Variants in LBH observed in about 807,000 individuals in gnomAD.
LBH encodes the protein protein LBH.
In LBH, 7 loss-of-function variants were observed where a neutral mutation model predicts 12.5. The ratio of observed to expected loss-of-function variants is 0.56; its 90% CI spans 0.32 to 1.05. The LOEUF is 1.05. Ranked by LOEUF, LBH falls within the 50% of genes least tolerant of loss-of-function variation. The pLI is 0.04. For missense variants in LBH, 119 were observed against 138.9 expected (o/e 0.86, Z 0.72); for synonymous variants, 51 against 50.1 (o/e 1.02, Z -0.08).
intron 2 of LBH, among the ~76,000 whole-genome samples, chr2:30,254,040 A>G (rs1051246686): frequency 6.6e-6 from 1 of 151,894 alleles, no homozygotes; most frequent in Non-Finnish European, 1.5e-5. Context: ...TGAGCAAGTC[A>G]CATACCGTCT....
chr2:30,234,548 G>T (rs748673359), intron 2 of LBH, 41 bp downstream of exon 2: 1 of 1,497,230 alleles, frequency 6.7e-7, no homozygotes, highest in Non-Finnish European at 9.3e-7. Context: ...CTAGAGCCTA[G>T]TGGTTTTTGC....
intron 2 of LBH, among the ~76,000 whole-genome samples, chr2:30,242,914 A>G (rs1258062222): frequency 6.6e-6 from 1 of 152,244 alleles, no homozygotes. Context: ...CTGGAAGTAG[A>G]ATTACTGATT....
chr2:30,239,837 A>G (rs1270131975), intron 2 of LBH, among the ~76,000 whole-genome samples: 1 of 152,130 alleles, frequency 6.6e-6, no homozygotes, highest in African/African-American at 2.4e-5. Context: ...TCTACTCTGT[A>G]TGAGGATCCA....
chr2:30,249,543 G>T (rs568069596), intron 2 of LBH, among the ~76,000 whole-genome samples: 1 of 152,214 alleles, frequency 6.6e-6, no homozygotes, highest in Non-Finnish European at 1.5e-5. Context: ...CTGGTTGGGG[G>T]CGGGGTAGTG....
chr2:30,247,591 C>T (rs1276720978), intron 2 of LBH, among the ~76,000 whole-genome samples: 9 of 152,136 alleles, frequency 5.9e-5, no homozygotes, highest in African/African-American at 1.9e-4. Flanking sequence ...AATGGTGCTC[C>T]GTGGCATGAG....
chr2:30,241,460 C>CTTTTTTTTTT (rs777223190), intron 2 of LBH, among the ~76,000 whole-genome samples: 1 of 132,628 alleles, frequency 7.5e-6, no homozygotes, highest in Non-Finnish European at 1.6e-5. Flanking sequence ...TTCTTTCTTT[C>CTTTTTTTTTT]TTTTTTTTTT....
At chr2:30,234,146 T>C (rs1284017400) in intron 1 of LBH, 1 of 436,824 alleles carries the variant, frequency 2.3e-6, no homozygotes, top group African/African-American at 2.0e-5. Flanking sequence ...CAGTGGGGAC[T>C]AGAGTACAGG....
intron 2 of LBH, among the ~76,000 whole-genome samples, chr2:30,243,783 C>T (rs1001883375): frequency 6.6e-6 from 1 of 152,006 alleles, no homozygotes; most frequent in Non-Finnish European, 1.5e-5. Context: ...CCTGCCTCAG[C>T]CTCCCAAATT....
intron 2 of LBH, among the ~76,000 whole-genome samples, chr2:30,247,325 A>G (rs1196671067): frequency 6.6e-6 from 1 of 152,222 alleles, no homozygotes; most frequent in Non-Finnish European, 1.5e-5. Flanking sequence ...TTCATTATAC[A>G]ATATCATAAA....
chr2:30,234,422 CG>C lies in LBH; in HGVS notation c.46del (p.Ala16ProfsTer3), dbSNP rs1558384936. On this transcript the variant is annotated frameshift_variant, in exon 2 of 3. Coordinates refer to ENST00000395323, the MANE Select transcript of LBH (RefSeq NM_030915.4). LOFTEE classifies it high-confidence loss of function. ...CTTGGCAGCCCCGACTATCTGAGAT[CG>C]GCCAAGATGACTGAGGTGATGATGA... ...FPIHCPDYLR[S>X]AKMTEVMMNT... The C allele has an allele frequency of 6.2e-7, 1 of 1,614,126 alleles. No individual in the cohort carries two copies. The highest frequency in any genetic ancestry group is 1.7e-5 in the Admixed American group (1 of 60,032).
intron 2 of LBH, among the ~76,000 whole-genome samples, chr2:30,246,743 C>T (rs1032467793): frequency 1.5e-5 from 2 of 132,490 alleles, no homozygotes; most frequent in African/African-American, 6.0e-5. Flanking sequence ...TTCTTTCTCT[C>T]TTTCTCTTTT....
In LBH at chr2:30,257,867, T is replaced by G; in HGVS notation, c.*246T>G. ...AGGCCCTCTGAGAAAGGAAGCTGCT[T>G]AGAGCCAGGGGGTTAGTGGGTGAGG... On this transcript the variant is annotated 3_prime_UTR_variant, in exon 3 of 3. Coordinates refer to ENST00000395323, the MANE Select transcript of LBH (RefSeq NM_030915.4). 8.4e-6 allele frequency: 3 copies of G among 358,496 alleles called. No homozygotes were observed. Among genetic ancestry groups the G allele is most frequent in the Non-Finnish European group, 1.5e-5 (3 of 198,768 alleles). The allele number at this position is 358,496 out of a possible 1,614,324, so 22.2% of individuals were successfully genotyped here.
At chr2:30,243,280 G>A (rs1335871519) in intron 2 of LBH, among the ~76,000 whole-genome samples, 1 of 152,150 alleles carries the variant, frequency 6.6e-6, no homozygotes, top group Non-Finnish European at 1.5e-5. Context: ...ACCCTCTGTG[G>A]ATTAAAAATG....
chr2:30,237,652 C>CCAAG (rs1355004978), intron 2 of LBH, among the ~76,000 whole-genome samples: 15 of 152,138 alleles, frequency 9.9e-5, no homozygotes, highest in Non-Finnish European at 2.2e-4. Flanking sequence ...CTCATGCCTA[C>CCAAG]CAAGGTTTCA....
intron 2 of LBH, among the ~76,000 whole-genome samples, chr2:30,242,705 T>C (rs1211152192): frequency 6.6e-6 from 1 of 152,256 alleles, no homozygotes; most frequent in African/African-American, 2.4e-5. Context: ...CATGCTGTAG[T>C]GAATCCCTTT....
chr2:30,255,799 G>A (rs572503064), intron 2 of LBH, among the ~76,000 whole-genome samples: 13 of 152,306 alleles, frequency 8.5e-5, no homozygotes, highest in African/African-American at 3.1e-4. Context: ...GTCTGCTGCC[G>A]TGGGCCTGTC....
chr2:30,254,957 C>A (rs1678054507), intron 2 of LBH, among the ~76,000 whole-genome samples: 1 of 152,256 alleles, frequency 6.6e-6, no homozygotes, highest in Non-Finnish European at 1.5e-5. Flanking sequence ...TCCCTCCCTG[C>A]TCAGTTTTCC....
At chr2:30,236,346 T>C (rs760800909) in intron 2 of LBH, among the ~76,000 whole-genome samples, 7 of 151,900 alleles carry the variant, frequency 4.6e-5, no homozygotes, top group Non-Finnish European at 7.4e-5. Flanking sequence ...AGCAGGAAAA[T>C]AAAATCACCT....
In LBH at chr2:30,254,039, C is replaced by T. The variant is rs189348215; in HGVS notation, c.130-3394C>T. ...CCCAGGTGCGTGGCTTTGAGCAAGT[C>T]ACATACCGTCTCTGTGCTTCAGGTT... On this transcript the variant is annotated intron_variant, in intron 2 of 2. Transcript: ENST00000395323. 2.9e-3 allele frequency among the ~76,000 whole-genome samples: 440 copies of T among 152,272 alleles called. 4 individuals carry two copies. Among genetic ancestry groups the T allele is most frequent in the African/African-American group, 0.01 (419 of 41,536 alleles).
Sources: gnomAD v4.1 joint callset for allele counts (sites outside exome capture counted in the v4.1 genomes callset) on GRCh38, gnomAD v4.1.1 for gene constraint, MANE v1.5 for transcripts, NCBI Gene and HGNC (gene_info 2026-07-23, HGNC 2026-07-21) for gene names.